The following SLC27A4 variants were observed in gnomAD, a reference collection of about 807,000 sequenced individuals.
SLC27A4 encodes long-chain fatty acid transport protein 4.
In SLC27A4, 33 loss-of-function variants were observed where a neutral mutation model predicts 64.4. That is an observed-to-expected ratio of 0.51 (90% CI 0.39 to 0.68). The LOEUF (loss-of-function observed/expected upper bound fraction) is 0.68. SLC27A4 is among the 30% of genes least tolerant of loss of function. SLC27A4 has a pLI of 0.00. For missense variants in SLC27A4, 824 were observed against 883.5 expected (o/e 0.93, Z 0.85); for synonymous variants, 377 against 370.0 (o/e 1.02, Z -0.22).
chr9:128,343,055 G>C lies in SLC27A4; in HGVS notation c.-6-72G>C, dbSNP rs1832600139. The C allele has an allele frequency of 3.2e-6, 5 of 1,577,296 alleles. No individual in the cohort carries two copies. In the South Asian group the frequency reaches 5.7e-5, roughly 18 times the overall value. ...GTCCCCTTGGGATCACAGTGGCCTG[G>C]CTGTCTGGGCTGGGAGGTAGGAGAC... On this transcript the variant is annotated intron_variant, in intron 1 of 12. Coordinates refer to ENST00000300456, the MANE Select transcript of SLC27A4 (RefSeq NM_005094.4).
In SLC27A4 at chr9:128,360,723, C is replaced by T; in HGVS notation, c.*232C>T. ...CCGTCTTCTGGGCTGGGCAGGCCCT[C>T]TGGTTCCCAGGCTGAGACTGACGGG... is the stretch of plus-strand genomic sequence containing the variant. On this transcript the variant is annotated 3_prime_UTR_variant, in exon 13 of 13. Transcript: ENST00000300456. 1 of 560,756 alleles carries T rather than the reference C, an allele frequency of 1.8e-6. No individual in the cohort carries two copies. Among genetic ancestry groups the T allele is most frequent in the South Asian group, 2.0e-5 (1 of 50,208 alleles). The allele number at this position is 560,756 out of a possible 1,614,324, so 34.7% of individuals were successfully genotyped here.
chr9:128,348,067 T>C (rs1379884387), intron 3 of SLC27A4, among the ~76,000 whole-genome samples: 3 of 152,008 alleles, frequency 2.0e-5, no homozygotes, highest in African/African-American at 4.8e-5. Context: ...CAGGGGAGCC[T>C]GAAAGCAGGT....
rs536015667 is a variant in SLC27A4, at chr9:128,353,676, A to C, written c.1324+135A>C. 8.8e-5 allele frequency: 73 copies of C among 827,810 alleles called. No individual in the cohort carries two copies. Among genetic ancestry groups the C allele is most frequent in the Non-Finnish European group, 1.3e-4 (70 of 532,740 alleles). 51.3% of individuals were successfully genotyped at this position (827,810 alleles called of 1,614,324 possible). On this transcript the variant is annotated intron_variant, in intron 9 of 12. Coordinates refer to ENST00000300456, the MANE Select transcript of SLC27A4 (RefSeq NM_005094.4). This position sits in a 1 kb window ranked among gnomAD's most constrained non-coding sequence, Gnocchi z 4.9. Reference sequence around the variant, plus strand: ...TCTTAGGGTTACAAGTTACTCATTTATTTGTGTATCCATCCATTCATTCAT... The same window carrying C: ...TCTTAGGGTTACAAGTTACTCATTTCTTTGTGTATCCATCCATTCATTCAT...
At position 128,353,330 on chromosome 9, in the gene SLC27A4, T is replaced by C. The variant is rs911605818; in HGVS notation, c.1198-85T>C. 8.1e-6 allele frequency: 13 copies of C among 1,610,706 alleles called. No homozygotes were observed. Among genetic ancestry groups the C allele is most frequent in the Non-Finnish European group, 1.1e-5 (13 of 1,177,488 alleles). ...AGGGCAGAGTTCGAGCGTGAGAGTGTGGGTGCTGGAGTCCCACTTCCCCCT... is the reference window on the plus strand; with the variant it reads ...AGGGCAGAGTTCGAGCGTGAGAGTGCGGGTGCTGGAGTCCCACTTCCCCCT... On this transcript the variant is annotated intron_variant, in intron 8 of 12. Transcript: ENST00000300456. The surrounding 1 kb of genome is among the most constrained non-coding windows in gnomAD (Gnocchi z 4.9).
At chr9:128,343,438 C>G in intron 2 of SLC27A4, 145 bp downstream of exon 2, 1 of 906,278 alleles carries the variant, frequency 1.1e-6, no homozygotes, top group Non-Finnish European at 1.8e-6. Flanking sequence ...CTGCTCCACA[C>G]CCGTACCCTG....
rs752281309 is a variant in SLC27A4, at chr9:128,350,445, T to C, written c.786-39T>C. The C allele has an allele frequency of 5.0e-6, 8 of 1,612,198 alleles. No individual in the cohort carries two copies. In the African/African-American group the frequency reaches 5.3e-5, roughly 11 times the overall value. On this transcript the variant is annotated intron_variant, in intron 5 of 12. Transcript: ENST00000300456. ...GGGCTGGGGAGCCTCCTTCTGCCTT[T>C]CTAGGGCCCGCTCAGCCCTTGGCCC...
At chr9:128,358,588 C>T (rs928840148) in intron 12 of SLC27A4, among the ~76,000 whole-genome samples, 2 of 152,180 alleles carry the variant, frequency 1.3e-5, no homozygotes, top group African/African-American at 4.8e-5. Flanking sequence ...GGATTACAGG[C>T]ACGTGCCACC....
Position 128,355,129 on chromosome 9 carries a change from C to T in SLC27A4, c.1401C>T (p.Gly467=). The T allele has an allele frequency of 2.5e-6, 4 of 1,613,638 alleles. No individual in the cohort carries two copies. Among genetic ancestry groups the T allele is most frequent in the Non-Finnish European group, 2.5e-6 (3 of 1,179,822 alleles). Residue 467 remains glycine (G), a synonymous_variant, in exon 10 of 13, where the codon GGC becomes GGT. Transcript: ENST00000300456. ...LRRFDGYLNQ[G]ANNKKIAKDV... The stretch of plus-strand genomic sequence containing the variant: ...GCTTCGATGGCTACCTCAACCAGGG[C>T]GCCAACAACAAGAAGATTGCCAAGG...
At chr9:128,358,238 G>A (rs999416530) in intron 12 of SLC27A4, among the ~76,000 whole-genome samples, 3 of 152,150 alleles carry the variant, frequency 2.0e-5, no homozygotes, top group Non-Finnish European at 4.4e-5. Context: ...CCTCACCCAC[G>A]TGTCTGGCTC....
rs770726802 is a variant in SLC27A4 at position 128,355,507 on chromosome 9, A to G, written c.1572A>G (p.Thr524=). The G allele has an allele frequency of 1.2e-6, 2 of 1,613,188 alleles. No homozygotes were observed. Among genetic ancestry groups the G allele is most frequent in the Non-Finnish European group, 1.7e-6 (2 of 1,180,008 alleles). ...TGTCCACCACCGAGGTGGAAGGCAC[A>G]CTCAGCCGCCTGCTGGACATGGCTG... ...ENVSTTEVEG[T]LSRLLDMADV... is the part of the protein sequence containing the mutation. The change falls in exon 11 of 13, where the codon ACA becomes ACG. Residue 524 remains threonine, a synonymous_variant. Transcript: ENST00000300456.
At chr9:128,342,828 G>A in intron 1 of SLC27A4, 2 of 510,966 alleles carry the variant, frequency 3.9e-6, no homozygotes, top group Non-Finnish European at 7.2e-6. Flanking sequence ...GGTCTAAAAT[G>A]TGAAAAGGTC....
At chr9:128,342,462 G>T in intron 1 of SLC27A4, 2 of 1,513,718 alleles carry the variant, frequency 1.3e-6, no homozygotes, top group South Asian at 2.2e-5. Context: ...ATGCAAAGAG[G>T]TTGGATCAAG....
chr9:128,358,124 G>A (rs1411981580), intron 12 of SLC27A4, among the ~76,000 whole-genome samples: 1 of 152,228 alleles, frequency 6.6e-6, no homozygotes, highest in African/African-American at 2.4e-5. Flanking sequence ...ATAATTCTGT[G>A]GGTAAGCAAT....
chr9:128,350,148 C>T (rs1357144183), intron 4 of SLC27A4, among the ~76,000 whole-genome samples, 164 bp from the exon 5 acceptor site: 2 of 152,180 alleles, frequency 1.3e-5, no homozygotes, highest in African/African-American at 2.4e-5. Context: ...GAATGGATGC[C>T]GGTGTTAGAG....
At chr9:128,346,082 G>C (rs1240114050) in intron 3 of SLC27A4, among the ~76,000 whole-genome samples, 5 of 152,002 alleles carry the variant, frequency 3.3e-5, no homozygotes, top group Non-Finnish European at 7.4e-5. Context: ...CACATTTTTT[G>C]TAGATACTCA....
In SLC27A4 at chr9:128,345,309, C is replaced by A. The variant is rs767013913; in HGVS notation, c.316C>A (p.Gln106Lys). 5.6e-6 allele frequency: 9 copies of A among 1,613,792 alleles called. 1 individual carries two copies. The Admixed American group carries it at 1.3e-4, about 24-fold the overall frequency. ...EGTDTHWTFR[Q>K]LDEYSSSVAN... The stretch of plus-strand genomic sequence containing the variant: ...CACAGATACCCACTGGACCTTCCGC[C>A]AGCTGGATGAGTACTCAAGCAGTGT... The change falls in exon 3 of 13, where the codon CAG becomes AAG. Residue 106 changes from glutamine (Q) to lysine (K), a missense_variant. Coordinates refer to ENST00000300456, the MANE Select transcript of SLC27A4 (RefSeq NM_005094.4). The surrounding 1 kb of genome is among the most constrained non-coding windows in gnomAD (Gnocchi z 4.1).
intron 3 of SLC27A4, among the ~76,000 whole-genome samples, chr9:128,348,217 G>A (rs1832685519): frequency 6.6e-6 from 1 of 152,130 alleles, no homozygotes; most frequent in South Asian, 2.1e-4. Flanking sequence ...GGCATTGCAC[G>A]CCAGGTCCAG....
Position 128,355,685 on chromosome 9 carries a change from A to G in SLC27A4, c.1663A>G (p.Ser555Gly). 3.1e-6 allele frequency: 5 copies of G among 1,612,624 alleles called. No homozygotes were observed. Among genetic ancestry groups the G allele is most frequent in the Non-Finnish European group, 4.2e-6 (5 of 1,180,020 alleles). Residue 555 changes from serine to glycine, a missense_variant, in exon 12 of 13, where the codon AGC becomes GGC. Physicochemically the swap from Ser to Gly is moderately conservative, Grantham distance 56. Transcript: ENST00000300456. ...CCGGGCCGGAATGGCTGCTGTGGCCAGCCCCACTGGCAACTGTGACCTGGA... is the reference window on the plus strand; with the variant it reads ...CCGGGCCGGAATGGCTGCTGTGGCCGGCCCCACTGGCAACTGTGACCTGGA... ...EGRAGMAAVA[S>G]PTGNCDLERF...
Position 128,360,401 on chromosome 9 carries a change from G to C in SLC27A4, c.1842G>C (p.Pro614=). ...EGFDPAIVKD[P]LFYLDAQKGR... Reference sequence around the variant, plus strand: ...TTGACCCGGCTATTGTGAAAGACCCGCTGTTCTATCTAGATGCCCAGAAGG... The same window carrying C: ...TTGACCCGGCTATTGTGAAAGACCCCCTGTTCTATCTAGATGCCCAGAAGG... Residue 614 remains proline (P), a synonymous_variant, in exon 13 of 13, where the codon CCG becomes CCC. Transcript: ENST00000300456. 1 of 1,614,142 alleles carries C rather than the reference G, an allele frequency of 6.2e-7. No individual in the cohort carries two copies. Among genetic ancestry groups the C allele is most frequent in the Non-Finnish European group, 8.5e-7 (1 of 1,180,024 alleles).
Sources: allele counts gnomAD v4.1 joint callset (sites outside exome capture counted in the v4.1 genomes callset), GRCh38; gene constraint gnomAD v4.1.1; non-coding constraint Gnocchi (gnomAD v3.1); transcripts MANE v1.5; gene names NCBI Gene and HGNC (gene_info 2026-07-23, HGNC 2026-07-21).